Variants in ST3GAL2 observed in about 807,000 individuals in gnomAD.
ST3GAL2 encodes the protein CMP-N-acetylneuraminate-beta-galactosamide-alpha-2,3-sialyltransferase 2.
ST3GAL2 carries 16 observed loss-of-function variants against 37.5 expected under a neutral mutation model. The ratio of observed to expected loss-of-function variants is 0.43; its 90% CI spans 0.29 to 0.65. The LOEUF (loss-of-function observed/expected upper bound fraction) is 0.65. Ranked by LOEUF, ST3GAL2 falls within the 30% of genes least tolerant of loss-of-function variation. The pLI, the probability that ST3GAL2 is intolerant of heterozygous loss-of-function variation, is 0.17. For synonymous variants in ST3GAL2, 238 were observed against 202.9 expected (o/e 1.17, Z -1.47); for missense variants, 383 against 487.8 (o/e 0.79, Z 2.02).
At chr16:70,393,664 C>T (rs1051771459) in intron 3 of ST3GAL2, 1 of 152,268 alleles carries the variant, frequency 6.6e-6, no homozygotes, top group Non-Finnish European at 1.5e-5. Context: ...CCCATCCCAT[C>T]TCCCTCCCAT....
intron 4 of ST3GAL2, among the ~76,000 whole-genome samples, chr16:70,386,712 C>G (rs912345059): frequency 6.6e-6 from 1 of 152,104 alleles, no homozygotes; most frequent in African/African-American, 2.4e-5. Flanking sequence ...ATGGTGTGGT[C>G]TTGGCTCACT....
At chr16:70,386,986 C>T (rs1416863047) in intron 4 of ST3GAL2, among the ~76,000 whole-genome samples, 4 of 151,996 alleles carry the variant, frequency 2.6e-5, no homozygotes, top group African/African-American at 9.7e-5. Flanking sequence ...GGTGTGGTGG[C>T]TCATGCCGTA....
chr16:70,419,629 G>T (rs1377358301), intron 1 of ST3GAL2, among the ~76,000 whole-genome samples: 1 of 152,216 alleles, frequency 6.6e-6, no homozygotes, highest in African/African-American at 2.4e-5. Flanking sequence ...TGGGACATGA[G>T]GCCCTGGGTG....
intron 1 of ST3GAL2, among the ~76,000 whole-genome samples, chr16:70,427,335 CTTCT>C (rs1433999455): frequency 3.2e-4 from 47 of 146,932 alleles, no homozygotes; most frequent in African/African-American, 1.1e-3. Context: ...CAAACCCAGT[CTTCT>C]TTTTTTTTTT....
chr16:70,413,990 C>A (rs1242636330), intron 1 of ST3GAL2, among the ~76,000 whole-genome samples: 1 of 152,180 alleles, frequency 6.6e-6, no homozygotes, highest in African/African-American at 2.4e-5. Context: ...GTCTATTTCT[C>A]ATCCACAGGG....
intron 1 of ST3GAL2, among the ~76,000 whole-genome samples, chr16:70,409,288 A>C (rs1334436046): frequency 6.6e-6 from 1 of 151,436 alleles, no homozygotes; most frequent in Admixed American, 6.6e-5. Context: ...AAAAGTTCAA[A>C]CCACCTGTGT....
At chr16:70,424,004 G>A (rs2047733584) in intron 1 of ST3GAL2, among the ~76,000 whole-genome samples, 2 of 151,920 alleles carry the variant, frequency 1.3e-5, no homozygotes, top group Non-Finnish European at 2.9e-5. Context: ...CTGGCAGTGA[G>A]CCAAGATCGT....
At chr16:70,437,653 T>C (rs2047834858) in intron 1 of ST3GAL2, among the ~76,000 whole-genome samples, 1 of 152,082 alleles carries the variant, frequency 6.6e-6, no homozygotes, top group Non-Finnish European at 1.5e-5. Context: ...TGTGCCTTCC[T>C]CCACAGAGAG....
chr16:70,435,550 A>G (rs1013196713), intron 1 of ST3GAL2, among the ~76,000 whole-genome samples: 2 of 152,284 alleles, frequency 1.3e-5, no homozygotes, highest in Admixed American at 1.3e-4. Flanking sequence ...GTGAGCCGAC[A>G]TCGTGCCATT....
intron 3 of ST3GAL2, among the ~76,000 whole-genome samples, chr16:70,389,826 G>A (rs1597557656): frequency 1.3e-5 from 2 of 150,336 alleles, no homozygotes; most frequent in East Asian, 4.0e-4. Context: ...TTGCTCTGTC[G>A]CCCAGGCTGG....
intron 1 of ST3GAL2, among the ~76,000 whole-genome samples, chr16:70,401,858 G>A (rs1485702149): frequency 6.6e-6 from 1 of 151,908 alleles, no homozygotes; most frequent in Non-Finnish European, 1.5e-5. Flanking sequence ...GCCAGGCGTT[G>A]TGGTGGCCAC....
At chr16:70,392,227 C>A (rs2047486554) in intron 3 of ST3GAL2, among the ~76,000 whole-genome samples, 1 of 152,218 alleles carries the variant, frequency 6.6e-6, no homozygotes, top group Non-Finnish European at 1.5e-5. Flanking sequence ...TGTTTCACAG[C>A]CTCCAAGGGA....
intron 2 of ST3GAL2, among the ~76,000 whole-genome samples, chr16:70,395,491 C>A (rs898504079): frequency 6.6e-6 from 1 of 152,190 alleles, no homozygotes; most frequent in Non-Finnish European, 1.5e-5. Flanking sequence ...TGGGAACCTG[C>A]AGGCCTGGGC....
chr16:70,429,588 C>CAAAAAAAAAAAAAAAAAA lies in ST3GAL2; in HGVS notation c.-1004+9343_-1004+9360dup, dbSNP rs1173306093. On this transcript the variant is annotated intron_variant, in intron 1 of 6. Coordinates refer to ENST00000342907, the MANE Select transcript of ST3GAL2 (RefSeq NM_006927.4). The stretch of plus-strand genomic sequence containing the variant: ...TGGGCAACAGAGCAAGACTCTGTCT[C>CAAAAAAAAAAAAAAAAAA]AAAAAAAAAAAAAAAAAAAAGAGTG... 2.2e-3 allele frequency among the ~76,000 whole-genome samples: 79 copies of CAAAAAAAAAAAAAAAAAA among 36,058 alleles called. 2 individuals are homozygous for CAAAAAAAAAAAAAAAAAA. The highest frequency in any genetic ancestry group is 7.3e-3 in the African/African-American group (76 of 10,402). The allele number at this position is 36,058 out of a possible 152,430, so 23.7% of individuals were successfully genotyped here. A position where few individuals can be genotyped will look rare whatever the true frequency, so the allele number is the denominator to read the frequency against.
Position 70,393,086 on chromosome 16 carries a change from A to ATT in ST3GAL2, c.533+1894_533+1895dup, listed in dbSNP as rs11421656. Among the ~76,000 whole-genome samples, 476 of 135,710 alleles carry ATT rather than the reference A, an allele frequency of 3.5e-3. 2 individuals carry two copies. Among genetic ancestry groups the ATT allele is most frequent in the African/African-American group, 0.012 (424 of 36,772 alleles). 89.0% of individuals were successfully genotyped at this position (135,710 alleles called of 152,430 possible). On this transcript the variant is annotated intron_variant, in intron 3 of 6. Coordinates refer to ENST00000342907, the MANE Select transcript of ST3GAL2 (RefSeq NM_006927.4). ...GGCCCCTGTGAGGAAGCATCTATAA[A>ATT]TTTTTTTTTTTTTTTTGAGACAGAG...
intron 1 of ST3GAL2, among the ~76,000 whole-genome samples, chr16:70,429,252 C>G (rs1308840123): frequency 1.3e-5 from 2 of 152,300 alleles, no homozygotes; most frequent in East Asian, 1.9e-4. Flanking sequence ...CCTCCCCACT[C>G]AGGCTGTGGC....
intron 1 of ST3GAL2, among the ~76,000 whole-genome samples, chr16:70,411,709 T>C (rs1172633041): frequency 6.6e-6 from 1 of 151,986 alleles, no homozygotes; most frequent in Non-Finnish European, 1.5e-5. Context: ...TAATAGTTAA[T>C]TCAGGCCAGG....
intron 1 of ST3GAL2, among the ~76,000 whole-genome samples, chr16:70,406,219 A>G (rs1361735987): frequency 1.3e-5 from 2 of 152,118 alleles, no homozygotes; most frequent in Non-Finnish European, 1.5e-5. Flanking sequence ...CGAGGTGGGC[A>G]GATCACCTGG....
chr16:70,417,746 G>A (rs1341743754), intron 1 of ST3GAL2, among the ~76,000 whole-genome samples: 5 of 151,862 alleles, frequency 3.3e-5, no homozygotes, highest in Admixed American at 3.3e-4. Context: ...TGGGAAGTGG[G>A]ATGAATAAAC....
Sources: gnomAD v4.1 joint callset for allele counts (sites outside exome capture counted in the v4.1 genomes callset) on GRCh38, gnomAD v4.1.1 for gene constraint, MANE v1.5 for transcripts, NCBI Gene and HGNC (gene_info 2026-07-23, HGNC 2026-07-21) for gene names.